STX8: variants seen among roughly 807,000 people sequenced by gnomAD.
The protein encoded by STX8 is syntaxin 8, also known as syntaxin-8.
In STX8, 23 loss-of-function variants were observed where a neutral mutation model predicts 37.5. The ratio of observed to expected loss-of-function variants is 0.61; its 90% CI spans 0.44 to 0.87. The LOEUF (loss-of-function observed/expected upper bound fraction) is 0.87. Ranked by LOEUF, STX8 falls within the 40% of genes least tolerant of loss-of-function variation. The pLI is 0.00. For synonymous variants in STX8, 115 were observed against 99.1 expected, an observed-to-expected ratio of 1.16 and a Z score of -0.95; for missense variants, 313 against 284.7, an observed-to-expected ratio of 1.10 and a Z score of -0.71.
chr17:9,419,569 A>T (rs1210648347), intron 6 of STX8, among the ~76,000 whole-genome samples: 1 of 152,216 alleles, frequency 6.6e-6, no homozygotes, highest in Non-Finnish European at 1.5e-5. Context: ...TGGGAGGTAG[A>T]TATTAAGTAT....
chr17:9,518,520 G>A (rs115412428), intron 4 of STX8, among the ~76,000 whole-genome samples: 5,332 of 152,174 alleles, frequency 0.035, 293 homozygotes, highest in African/African-American at 0.12. Context: ...CTCCTCTCAC[G>A]GTATTGTGTT....
chr17:9,401,110 T>G (rs950513376), intron 6 of STX8, among the ~76,000 whole-genome samples: 2 of 152,216 alleles, frequency 1.3e-5, no homozygotes, highest in Non-Finnish European at 2.9e-5. Flanking sequence ...CAGCCTTACA[T>G]TGCCATATCT....
intron 5 of STX8, among the ~76,000 whole-genome samples, chr17:9,503,621 C>T (rs573648375): frequency 4.5e-4 from 68 of 152,342 alleles, no homozygotes; most frequent in Admixed American, 2.8e-3. Flanking sequence ...ATCCTGCTGC[C>T]TTGGCCTCCC....
chr17:9,495,320 CCTCAACCAAGTGCTCCTA>C (rs1422114724), intron 5 of STX8, among the ~76,000 whole-genome samples: 1 of 152,120 alleles, frequency 6.6e-6, no homozygotes, highest in African/African-American at 2.4e-5. Context: ...ATAAATCCAT[CCTCAACCAAGTGCTCCTA>C]TAGGATGACT....
intron 7 of STX8, among the ~76,000 whole-genome samples, chr17:9,348,417 CAAAAA>C (rs1190839413): frequency 3.0e-5 from 3 of 99,470 alleles, no homozygotes; most frequent in Admixed American, 1.1e-4. Flanking sequence ...GACTCTGTCT[CAAAAA>C]AAAAAAAAAA....
chr17:9,568,309 G>C (rs918767098), intron 2 of STX8, 62 bp downstream of exon 2: 1 of 1,244,060 alleles, frequency 8.0e-7, no homozygotes, highest in African/African-American at 1.5e-5. Flanking sequence ...AGAAAGATAG[G>C]AGGGTTTTCA....
In STX8 at chr17:9,511,320, A is replaced by G. The variant is rs1163709846; in HGVS notation, c.324-6158T>C. Among the ~76,000 whole-genome samples, 6 of 152,198 alleles carry G rather than the reference A, an allele frequency of 3.9e-5. No homozygotes were observed. In the East Asian group the frequency reaches 1.2e-3, roughly 29 times the overall value. On this transcript the variant is annotated intron_variant, in intron 4 of 7. Coordinates refer to ENST00000306357, the MANE Select transcript of STX8 (RefSeq NM_004853.3). ...GAATACAACAGAAAAAGAAAAGTTCAGGCCAATATCCCTGATAAATATACA... is the reference window on the plus strand; with the variant it reads ...GAATACAACAGAAAAAGAAAAGTTCGGGCCAATATCCCTGATAAATATACA...
chr17:9,466,253 G>A (rs1172111764), intron 6 of STX8, among the ~76,000 whole-genome samples: 1 of 152,192 alleles, frequency 6.6e-6, no homozygotes, highest in Non-Finnish European at 1.5e-5. Context: ...TTACAGGCTT[G>A]AGCCATCACG....
chr17:9,264,985 G>A (rs994351006), intron 7 of STX8, among the ~76,000 whole-genome samples: 1 of 151,844 alleles, frequency 6.6e-6, no homozygotes, highest in Non-Finnish European at 1.5e-5. Flanking sequence ...TAGGTGTGAT[G>A]GCACACACCT....
intron 7 of STX8, among the ~76,000 whole-genome samples, chr17:9,251,580 A>G (rs1434805880): frequency 6.6e-6 from 1 of 152,370 alleles, no homozygotes; most frequent in South Asian, 2.1e-4. Context: ...AAAATGCTTC[A>G]GAAAGTAACA....
intron 6 of STX8, among the ~76,000 whole-genome samples, chr17:9,386,559 G>A (rs1174621051): frequency 6.6e-6 from 1 of 152,134 alleles, no homozygotes; most frequent in East Asian, 1.9e-4. Context: ...GAAGCAGGGA[G>A]GGAGGGAGCT....
chr17:9,532,579 T>C (rs1180449152), intron 4 of STX8, among the ~76,000 whole-genome samples: 1 of 152,216 alleles, frequency 6.6e-6, no homozygotes, highest in Non-Finnish European at 1.5e-5. Flanking sequence ...TGAATTTTCA[T>C]TGATTACAAT....
At chr17:9,368,375 G>A (rs560159834) in intron 7 of STX8, among the ~76,000 whole-genome samples, 3 of 152,180 alleles carry the variant, frequency 2.0e-5, no homozygotes, top group East Asian at 1.9e-4. Flanking sequence ...CTGGTGGGGG[G>A]TGCCTGCAGT....
intron 7 of STX8, among the ~76,000 whole-genome samples, chr17:9,326,616 G>A (rs982345308): frequency 2.6e-5 from 4 of 152,222 alleles, no homozygotes; most frequent in Admixed American, 2.0e-4. Context: ...TTGGCTGAGA[G>A]GCAGAAAATG....
chr17:9,431,854 C>T (rs974091543), intron 6 of STX8, among the ~76,000 whole-genome samples: 8 of 152,126 alleles, frequency 5.3e-5, no homozygotes, highest in African/African-American at 1.7e-4. Flanking sequence ...AGAAACCTCC[C>T]TTCCTTTTCC....
chr17:9,500,176 G>A (rs954279815), intron 5 of STX8, among the ~76,000 whole-genome samples: 2 of 152,156 alleles, frequency 1.3e-5, no homozygotes, highest in Admixed American at 6.6e-5. Context: ...TAATTTCACT[G>A]TGAAAAGGGA....
chr17:9,569,424 C>G (rs957568838), intron 1 of STX8: 79 of 154,584 alleles, frequency 5.1e-4, no homozygotes, highest in Non-Finnish European at 7.5e-4. Context: ...CTGGGGGCGG[C>G]TCTAGGGTGC....
At chr17:9,255,053 C>T (rs1906737064) in intron 7 of STX8, among the ~76,000 whole-genome samples, 1 of 152,156 alleles carries the variant, frequency 6.6e-6, no homozygotes, top group African/African-American at 2.4e-5. Context: ...TAGAAGAATG[C>T]TCTTCCACAG....
At chr17:9,270,064 A>G (rs1907393411) in intron 7 of STX8, among the ~76,000 whole-genome samples, 1 of 152,234 alleles carries the variant, frequency 6.6e-6, no homozygotes, top group African/African-American at 2.4e-5. Flanking sequence ...CTTTGGGGTT[A>G]AATAACAGGC....
Sources: allele counts gnomAD v4.1 joint callset (sites outside exome capture counted in the v4.1 genomes callset), GRCh38; gene constraint gnomAD v4.1.1; transcripts MANE v1.5; gene names NCBI Gene and HGNC (gene_info 2026-07-23, HGNC 2026-07-21).